The following QTMAN variants were observed in gnomAD, a reference collection of about 807,000 sequenced individuals.
QTMAN encodes the protein tRNA-queuosine alpha-mannosyltransferase.
At chr2:144,011,329 C>G in the QTMAN span, among the ~76,000 whole-genome samples, 2 of 151,984 alleles carry the variant, frequency 1.3e-5, no homozygotes, top group East Asian at 3.9e-4. Context: ...CAAAACAAAA[C>G]CAACCACATC....
chr2:144,168,716 T>C, the QTMAN span, among the ~76,000 whole-genome samples: 2 of 152,144 alleles, frequency 1.3e-5, no homozygotes, highest in South Asian at 4.1e-4. Flanking sequence ...TTCTTTTTTC[T>C]CTATACATCC....
At chr2:144,083,198 T>C in the QTMAN span, among the ~76,000 whole-genome samples, 1 of 152,232 alleles carries the variant, frequency 6.6e-6, no homozygotes, top group Admixed American at 6.5e-5. Flanking sequence ...AAAGACTGGT[T>C]GCCTACTGGC....
the QTMAN span, among the ~76,000 whole-genome samples, chr2:144,188,511 ATG>A: frequency 9.9e-5 from 4 of 40,374 alleles, no homozygotes; most frequent in East Asian, 1.2e-3. Context: ...TTGCAATCGG[ATG>A]GATGGATGGA....
At chr2:144,265,681 C>T in the QTMAN span, among the ~76,000 whole-genome samples, 127 of 152,164 alleles carry the variant, frequency 8.3e-4, no homozygotes, top group Non-Finnish European at 1.6e-3. Flanking sequence ...GGCAACAGGG[C>T]GAGACTCCGT....
the QTMAN span, among the ~76,000 whole-genome samples, chr2:144,047,767 T>C: frequency 6.6e-6 from 1 of 152,206 alleles, no homozygotes; most frequent in Non-Finnish European, 1.5e-5. Flanking sequence ...AAGAGACAAT[T>C]ATAAGGAAAT....
At chr2:144,034,350 C>T in the QTMAN span, among the ~76,000 whole-genome samples, 2 of 152,204 alleles carry the variant, frequency 1.3e-5, no homozygotes, top group African/African-American at 2.4e-5. Context: ...TCCTCTCGCA[C>T]TTGTTATTAT....
the QTMAN span, among the ~76,000 whole-genome samples, chr2:144,253,439 C>G: frequency 6.6e-6 from 1 of 152,038 alleles, no homozygotes; most frequent in Admixed American, 6.6e-5. Flanking sequence ...CAGAAGAAGA[C>G]AGGAAAATGT....
the QTMAN span, among the ~76,000 whole-genome samples, chr2:144,288,027 G>A: frequency 6.6e-6 from 1 of 151,708 alleles, no homozygotes; most frequent in Non-Finnish European, 1.5e-5. Context: ...GATAATTTTT[G>A]TATTTTTAGT....
the QTMAN span, among the ~76,000 whole-genome samples, chr2:144,020,172 G>C: frequency 2.6e-5 from 4 of 152,148 alleles, no homozygotes; most frequent in African/African-American, 9.7e-5. Context: ...GGGAAGGGAA[G>C]TGCTGGGTAG....
the QTMAN span, among the ~76,000 whole-genome samples, chr2:144,132,125 T>C: frequency 6.6e-6 from 1 of 151,930 alleles, no homozygotes; most frequent in Non-Finnish European, 1.5e-5. Context: ...AAAAACTCTG[T>C]CTTATTTATC....
the QTMAN span, among the ~76,000 whole-genome samples, chr2:144,125,214 A>G: frequency 6.6e-6 from 1 of 152,044 alleles, no homozygotes; most frequent in African/African-American, 2.4e-5. Flanking sequence ...TAGTATGAAC[A>G]TGTGAGTTTT....
the QTMAN span, chr2:144,007,037 C>G: frequency 1.8e-6 from 1 of 561,760 alleles, no homozygotes. Context: ...AGTAGTACCA[C>G]CTTGGCAGAT....
At chr2:143,942,238 A>G in the QTMAN span, 2 of 167,168 alleles carry the variant, frequency 1.2e-5, no homozygotes, top group African/African-American at 4.8e-5. Flanking sequence ...AATAACTCAG[A>G]TAATGATAGA....
At chr2:144,042,014 C>T in the QTMAN span, among the ~76,000 whole-genome samples, 2 of 152,128 alleles carry the variant, frequency 1.3e-5, no homozygotes, top group Non-Finnish European at 2.9e-5. Flanking sequence ...ATGAAGGTCC[C>T]ACAGGCCCTG....
At chr2:144,224,722 C>T in the QTMAN span, among the ~76,000 whole-genome samples, 23,701 of 152,118 alleles carry the variant, frequency 0.16, 3,049 homozygotes, top group African/African-American at 0.36. Context: ...TGATAAGACA[C>T]ATGCTTGGTA....
At chr2:144,049,837 T>A in the QTMAN span, among the ~76,000 whole-genome samples, 1 of 152,294 alleles carries the variant, frequency 6.6e-6, no homozygotes, top group East Asian at 1.9e-4. Context: ...CTGAGCTAAA[T>A]ACTATATTAG....
the QTMAN span, among the ~76,000 whole-genome samples, chr2:144,230,801 G>C: frequency 3.3e-5 from 5 of 152,016 alleles, no homozygotes; most frequent in Middle Eastern, 3.2e-3. Flanking sequence ...TTCAATGTTA[G>C]TAAGATTGTT....
At chr2:144,009,299 T>C in the QTMAN span, among the ~76,000 whole-genome samples, 1 of 151,960 alleles carries the variant, frequency 6.6e-6, no homozygotes, top group African/African-American at 2.4e-5. Context: ...TTCAGTGAGG[T>C]GAACAGAGGT....
chr2:144,066,821 A>G, the QTMAN span, among the ~76,000 whole-genome samples: 1 of 152,160 alleles, frequency 6.6e-6, no homozygotes, highest in Non-Finnish European at 1.5e-5. Context: ...TTCCAATCAG[A>G]GCAAACTGCT....
Sources: gnomAD v4.1 joint callset for allele counts (sites outside exome capture counted in the v4.1 genomes callset) on GRCh38, gnomAD v4.1.1 for gene constraint, MANE v1.5 for transcripts, NCBI Gene and HGNC (gene_info 2026-07-23, HGNC 2026-07-21) for gene names.